Variants in RASA3 observed in about 807,000 individuals in gnomAD.
RASA3 encodes ras GTPase-activating protein 3.
In RASA3, 73 loss-of-function variants were observed where a neutral mutation model predicts 110.0. The ratio of observed to expected loss-of-function variants is 0.66; its 90% confidence interval spans 0.55 to 0.81. RASA3 has a LOEUF of 0.81. RASA3 is among the 30% of genes least tolerant of loss of function. RASA3 has a pLI of 0.00. For synonymous variants in RASA3, 500 were observed against 451.4 expected (o/e 1.11, Z -1.37); for missense variants, 976 against 1,113.2 (o/e 0.88, Z 1.75).
intron 1 of RASA3, among the ~76,000 whole-genome samples, chr13:114,081,333 G>A (rs561028131): frequency 1.6e-4 from 25 of 152,270 alleles, no homozygotes; most frequent in Non-Finnish European, 2.5e-4. Context: ...TGTCCAGGCC[G>A]GGCCTCCCCA....
intron 1 of RASA3, among the ~76,000 whole-genome samples, chr13:114,079,569 C>T (rs1049296198): frequency 2.0e-5 from 3 of 152,182 alleles, no homozygotes; most frequent in African/African-American, 7.2e-5. Flanking sequence ...GATGAAGAGC[C>T]CCGTCTACTT....
At chr13:114,013,343 C>A (rs1404774047) in intron 14 of RASA3, 95 bp from the exon 15 acceptor site, 2 of 799,918 alleles carry the variant, frequency 2.5e-6, no homozygotes, top group African/African-American at 3.4e-5. Context: ...GCAGGGAAGT[C>A]CAGCCACAGT....
At chr13:114,015,373 C>G in intron 13 of RASA3, 41 bp from the exon 14 acceptor site, 1 of 1,607,844 alleles carries the variant, frequency 6.2e-7, no homozygotes, top group Non-Finnish European at 8.5e-7. Flanking sequence ...CCCGAGGCTG[C>G]CCACAGGTGC....
intron 1 of RASA3, among the ~76,000 whole-genome samples, chr13:114,076,550 ACACACGCAG>A (rs914026907): frequency 6.6e-6 from 1 of 151,356 alleles, no homozygotes; most frequent in African/African-American, 2.4e-5. Context: ...AGCACCGCAC[ACACACGCAG>A]CACACGCAGG....
At chr13:114,051,955 C>T (rs1309942964) in intron 3 of RASA3, 97 bp downstream of exon 3, 1 of 987,652 alleles carries the variant, frequency 1.0e-6, no homozygotes, top group East Asian at 2.5e-5. Flanking sequence ...GCAGCGACCC[C>T]TCAGCACCAT....
chr13:114,034,019 C>T (rs1013646455), intron 4 of RASA3, among the ~76,000 whole-genome samples: 5 of 152,346 alleles, frequency 3.3e-5, no homozygotes, highest in East Asian at 1.9e-4. Flanking sequence ...TGGTCCTCAC[C>T]GCCTGGCAGC....
intron 4 of RASA3, among the ~76,000 whole-genome samples, chr13:114,034,375 C>G (rs1471831455): frequency 6.6e-6 from 1 of 152,252 alleles, no homozygotes; most frequent in Non-Finnish European, 1.5e-5. Context: ...GTCACGACTG[C>G]ATGTGGGGGG....
intron 1 of RASA3, chr13:114,077,849 T>C (rs1349002941): frequency 3.5e-5 from 34 of 984,578 alleles, no homozygotes; most frequent in Non-Finnish European, 4.1e-5. Flanking sequence ...CTCTTTCTTT[T>C]TAATCTACTT....
intron 2 of RASA3, among the ~76,000 whole-genome samples, chr13:114,063,018 TGGAGGATTACAGGGCGC>T (rs1456660672): frequency 6.6e-6 from 1 of 152,220 alleles, no homozygotes; most frequent in Non-Finnish European, 1.5e-5. Context: ...GGCCGGAAAC[TGGAGGATTACAGGGCGC>T]GAGTGTCGTT....
rs543813637 is a variant in RASA3 at position 114,009,386 on chromosome 13, C to A, written c.1668+1G>T. The A allele has an allele frequency of 4.5e-5, 72 of 1,610,058 alleles. No individual in the cohort carries two copies. Among genetic ancestry groups the A allele is most frequent in the Non-Finnish European group, 6.1e-5 (72 of 1,177,472 alleles). ...CGGTCGGAGGGTGAGTCGATACTTACGTTCTTCACCGCATCAGCATATTTC... is the reference window on the plus strand; with the variant it reads ...CGGTCGGAGGGTGAGTCGATACTTAAGTTCTTCACCGCATCAGCATATTTC... On this transcript the variant is annotated splice_donor_variant, in intron 17 of 23. Coordinates refer to ENST00000334062, the MANE Select transcript of RASA3 (RefSeq NM_007368.4). LOFTEE classifies it high-confidence loss of function.
At chr13:114,091,875 G>C (rs1365470504) in intron 1 of RASA3, among the ~76,000 whole-genome samples, 2 of 152,004 alleles carry the variant, frequency 1.3e-5, no homozygotes, top group African/African-American at 4.8e-5. Context: ...CGTCTGTTCA[G>C]GTTCTGTTTC....
At chr13:114,005,326 C>T (rs773746807) in intron 18 of RASA3, among the ~76,000 whole-genome samples, 19 of 152,254 alleles carry the variant, frequency 1.2e-4, no homozygotes, top group African/African-American at 3.4e-4. Flanking sequence ...GGCCACAGGA[C>T]GGGGTTGGTG....
chr13:114,015,517 G>A (rs766577985), intron 13 of RASA3, among the ~76,000 whole-genome samples, 185 bp from the exon 14 acceptor site: 8 of 152,252 alleles, frequency 5.3e-5, no homozygotes, highest in African/African-American at 1.7e-4. Flanking sequence ...GGCAATTCAC[G>A]CGTGAAAATC....
intron 1 of RASA3, among the ~76,000 whole-genome samples, chr13:114,123,730 G>T (rs1227787172): frequency 1.3e-5 from 2 of 152,220 alleles, no homozygotes; most frequent in Admixed American, 6.5e-5. Flanking sequence ...GGGCGAGGGA[G>T]GCACCCACGG....
chr13:114,015,112 T>C (rs1354306958), intron 14 of RASA3, 97 bp downstream of exon 14: 10 of 1,508,308 alleles, frequency 6.6e-6, no homozygotes, highest in Non-Finnish European at 9.0e-6. Flanking sequence ...GCAGTTCTAG[T>C]CTAGCCAGGG....
chr13:113,991,382 A>G (rs1186604596), intron 22 of RASA3, among the ~76,000 whole-genome samples: 3 of 152,226 alleles, frequency 2.0e-5, no homozygotes, highest in Non-Finnish European at 4.4e-5. Flanking sequence ...GGGGAATGAA[A>G]AGAAGAAAAT....
chr13:114,013,910 G>GTC (rs140756588), intron 14 of RASA3, among the ~76,000 whole-genome samples: 30,571 of 60,670 alleles, frequency 0.5, 5,755 homozygotes, highest in Middle Eastern at 0.62. Context: ...CTCTTTCTCT[G>GTC]TCTCTCTCTC....
chr13:114,042,658 C>T (rs9525350), intron 3 of RASA3, among the ~76,000 whole-genome samples: 20,504 of 152,284 alleles, frequency 0.13, 1,769 homozygotes, highest in Middle Eastern at 0.21. Context: ...GCCAGGACAG[C>T]GCAGCCCAGC....
chr13:113,998,096 A>G (rs966079210), intron 20 of RASA3, among the ~76,000 whole-genome samples: 2 of 152,196 alleles, frequency 1.3e-5, no homozygotes, highest in Admixed American at 1.3e-4. Flanking sequence ...ACAGCTGGGA[A>G]CAGGCGGCTG....
Sources: allele counts gnomAD v4.1 joint callset (sites outside exome capture counted in the v4.1 genomes callset), GRCh38; gene constraint gnomAD v4.1.1; transcripts MANE v1.5; gene names NCBI Gene and HGNC (gene_info 2026-07-23, HGNC 2026-07-21).